Variants in DZIP1 observed in about 807,000 individuals in gnomAD.
The protein encoded by DZIP1 is DAZ interacting zinc finger protein 1.
A neutral mutation model predicts 107.6 loss-of-function variants in DZIP1; 97 were observed. The observed-to-expected ratio is 0.90, with a 90% CI of 0.77 to 1.07. The LOEUF (loss-of-function observed/expected upper bound fraction) is 1.07. DZIP1 is among the 50% of genes least tolerant of loss of function. DZIP1 has a pLI of 0.00. For missense variants in DZIP1, 1,035 were observed against 1,063.6 expected, an observed-to-expected ratio of 0.97 and a Z score of 0.37; for synonymous variants, 390 against 386.4, an observed-to-expected ratio of 1.01 and a Z score of -0.11.
At chr13:95,616,826 G>T (rs898114894) in intron 10 of DZIP1, among the ~76,000 whole-genome samples, 1 of 152,094 alleles carries the variant, frequency 6.6e-6, no homozygotes, top group Non-Finnish European at 1.5e-5. Context: ...CTCTGGAGAC[G>T]CAATAGCAGT....
chr13:95,618,436 T>C (rs1273100409), intron 10 of DZIP1, among the ~76,000 whole-genome samples: 1 of 152,240 alleles, frequency 6.6e-6, no homozygotes, highest in Non-Finnish European at 1.5e-5. Flanking sequence ...ATTTGCATGA[T>C]GAAATGATAT....
At chr13:95,629,406 C>T (rs570711236) in intron 7 of DZIP1, among the ~76,000 whole-genome samples, 3 of 152,228 alleles carry the variant, frequency 2.0e-5, no homozygotes, top group African/African-American at 7.2e-5. Context: ...ACACAAGGGT[C>T]ACATAGATGA....
chr13:95,622,746 T>TTC (rs1328660760), intron 8 of DZIP1, among the ~76,000 whole-genome samples: 1 of 150,934 alleles, frequency 6.6e-6, no homozygotes, highest in Non-Finnish European at 1.5e-5. Flanking sequence ...GAGTCTAATT[T>TTC]TTTTTTTTTT....
At chr13:95,624,289 G>T (rs1368675572) in intron 8 of DZIP1, among the ~76,000 whole-genome samples, 8 of 152,174 alleles carry the variant, frequency 5.3e-5, no homozygotes, top group African/African-American at 1.9e-4. Flanking sequence ...CATGAGGCTG[G>T]GGCTGTATGG....
intron 22 of DZIP1, among the ~76,000 whole-genome samples, chr13:95,583,429 C>T (rs1186991918): frequency 6.6e-6 from 1 of 151,994 alleles, no homozygotes; most frequent in East Asian, 1.9e-4. Context: ...GGTTTAAGGC[C>T]ATTACTGAGA....
chr13:95,622,891 C>A (rs564481631), intron 8 of DZIP1, among the ~76,000 whole-genome samples: 51 of 152,026 alleles, frequency 3.4e-4, no homozygotes, highest in African/African-American at 7.7e-4. Context: ...TACAGGCGTG[C>A]ACCACCACAC....
intron 12 of DZIP1, among the ~76,000 whole-genome samples, chr13:95,610,907 C>T (rs2044981322): frequency 1.3e-5 from 2 of 152,178 alleles, no homozygotes; most frequent in African/African-American, 4.8e-5. Flanking sequence ...TAGGTTGACC[C>T]TCACCAGATG....
At chr13:95,614,003 G>A (rs1388739902) in intron 10 of DZIP1, among the ~76,000 whole-genome samples, 2 of 151,926 alleles carry the variant, frequency 1.3e-5, no homozygotes, top group Non-Finnish European at 2.9e-5. Context: ...GGGTTAGCCT[G>A]TAGTCCTAGT....
intron 12 of DZIP1, 111 bp downstream of exon 12, chr13:95,611,334 A>G: frequency 5.1e-6 from 4 of 785,664 alleles, no homozygotes; most frequent in Non-Finnish European, 8.7e-6. Flanking sequence ...CAATACAACA[A>G]GAAGAATGCC....
At chr13:95,610,124 G>A (rs1252441927) in intron 12 of DZIP1, among the ~76,000 whole-genome samples, 1 of 148,638 alleles carries the variant, frequency 6.7e-6, no homozygotes, top group East Asian at 2.0e-4. Flanking sequence ...GAGAGAGACA[G>A]AGAGAGAGAG....
intron 19 of DZIP1, 23 bp downstream of exon 19, chr13:95,589,131 C>G: frequency 6.3e-7 from 1 of 1,590,622 alleles, no homozygotes. Context: ...TTAAATGACC[C>G]TCCCATCCCT....
At position 95,594,042 on chromosome 13, in the gene DZIP1, T is replaced by G; in HGVS notation, c.1582A>C (p.Arg528=). 6.2e-7 allele frequency: 1 copy of G among 1,610,348 alleles called. No homozygotes were observed. Among genetic ancestry groups the G allele is most frequent in the Non-Finnish European group, 8.5e-7 (1 of 1,178,184 alleles). The change falls in exon 16 of 23, where the codon AGG becomes CGG. Residue 528 remains arginine, a synonymous_variant. Coordinates refer to ENST00000376829, the MANE Select transcript of DZIP1 (RefSeq NM_198968.4). Reference sequence around the variant, plus strand: ...GAGGAGTTACTCTTCAAAGCTTTCCTTAAATGCATTTTGTTGTTATTTAAT... The same window carrying G: ...GAGGAGTTACTCTTCAAAGCTTTCCGTAAATGCATTTTGTTGTTATTTAAT... ...QKLNNNKMHL[R]KALKSNSSLT...
chr13:95,628,048 C>CTTTTTT (rs200194599), intron 7 of DZIP1, among the ~76,000 whole-genome samples: 6 of 148,224 alleles, frequency 4.0e-5, no homozygotes, highest in Admixed American at 4.0e-4. Context: ...TCACACATTA[C>CTTTTTT]TTTTTTTTTT....
chr13:95,611,944 T>C, intron 11 of DZIP1, 93 bp downstream of exon 11: 3 of 1,488,280 alleles, frequency 2.0e-6, no homozygotes, highest in Admixed American at 2.2e-5. Flanking sequence ...CCTCACCTTA[T>C]ACCACTTACA....
At chr13:95,635,347 C>T (rs1237467646) in intron 5 of DZIP1, among the ~76,000 whole-genome samples, 2 of 152,020 alleles carry the variant, frequency 1.3e-5, no homozygotes, top group Non-Finnish European at 2.9e-5. Flanking sequence ...CAGGTGCCCG[C>T]CACCACTCCC....
chr13:95,618,488 T>A (rs1445060339), intron 10 of DZIP1, among the ~76,000 whole-genome samples: 1 of 152,252 alleles, frequency 6.6e-6, no homozygotes, highest in Non-Finnish European at 1.5e-5. Flanking sequence ...CTACTTCCTT[T>A]TCTAGCAATG....
At chr13:95,598,229 C>G (rs2044513654) in intron 15 of DZIP1, among the ~76,000 whole-genome samples, 1 of 152,166 alleles carries the variant, frequency 6.6e-6, no homozygotes, top group Admixed American at 6.6e-5. Flanking sequence ...AAACCAAACT[C>G]TTCAAAATCA....
chr13:95,643,871 C>G (rs894430748), intron 1 of DZIP1, among the ~76,000 whole-genome samples, 173 bp from the exon 2 acceptor site: 1 of 152,214 alleles, frequency 6.6e-6, no homozygotes, highest in Non-Finnish European at 1.5e-5. Context: ...TGATCTGGGC[C>G]AAGGGCTTCA....
chr13:95,621,717 T>TGTGTGTGTGTGTG (rs1555311646), intron 9 of DZIP1, among the ~76,000 whole-genome samples: 1 of 144,760 alleles, frequency 6.9e-6, no homozygotes, highest in African/African-American at 2.6e-5. Context: ...TGTGTGTGTA[T>TGTGTGTGTGTGTG]TTATTTATTT....
Sources: gnomAD v4.1 joint callset for allele counts (sites outside exome capture counted in the v4.1 genomes callset) on GRCh38, gnomAD v4.1.1 for gene constraint, MANE v1.5 for transcripts, NCBI Gene and HGNC (gene_info 2026-07-23, HGNC 2026-07-21) for gene names.